Variants in LRP1B observed in about 807,000 individuals in gnomAD.
LRP1B encodes the protein LDL receptor related protein 1B.
A neutral mutation model predicts 556.6 loss-of-function variants in LRP1B; 217 were observed. That is an observed-to-expected ratio of 0.39 (90% CI 0.35 to 0.44). The LOEUF is 0.44. Ranked by LOEUF, LRP1B falls within the 20% of genes least tolerant of loss-of-function variation. The probability of loss-of-function intolerance (pLI) is 1.00; values close to 1 mark genes in which losing one functional copy is unlikely to be tolerated. For synonymous variants in LRP1B, 2,047 were observed against 1,865.8 expected, an observed-to-expected ratio of 1.10 and a Z score of -2.50; for missense variants, 5,053 against 5,620.8, an observed-to-expected ratio of 0.90 and a Z score of 3.23.
At chr2:140,832,286 T>TG (rs1270421673) in intron 31 of LRP1B, among the ~76,000 whole-genome samples, 1 of 152,080 alleles carries the variant, frequency 6.6e-6, no homozygotes, top group Non-Finnish European at 1.5e-5. Flanking sequence ...TATATGTGGG[T>TG]GGTCCTGGAA....
intron 2 of LRP1B, among the ~76,000 whole-genome samples, chr2:141,557,402 T>C (rs1685999834): frequency 1.3e-5 from 2 of 151,880 alleles, no homozygotes; most frequent in South Asian, 4.1e-4. Flanking sequence ...TGGGAAAACC[T>C]TGGGTGGTGA....
chr2:141,054,631 T>C (rs1199878327), intron 10 of LRP1B, among the ~76,000 whole-genome samples: 1 of 152,040 alleles, frequency 6.6e-6, no homozygotes, highest in African/African-American at 2.4e-5. Flanking sequence ...TAATTAGGTA[T>C]AGCTTCAGCT....
chr2:140,348,052 T>C (rs1681774535), intron 77 of LRP1B, among the ~76,000 whole-genome samples: 1 of 152,020 alleles, frequency 6.6e-6, no homozygotes. Flanking sequence ...AATAATTAGA[T>C]AGATATATGA....
At chr2:141,179,397 G>A (rs920216370) in intron 7 of LRP1B, among the ~76,000 whole-genome samples, 2 of 152,024 alleles carry the variant, frequency 1.3e-5, no homozygotes, top group Non-Finnish European at 2.9e-5. Flanking sequence ...GATTTAGGAA[G>A]TATAAAGATT....
At chr2:141,470,304 C>G (rs1682414031) in intron 3 of LRP1B, among the ~76,000 whole-genome samples, 1 of 152,128 alleles carries the variant, frequency 6.6e-6, no homozygotes, top group Non-Finnish European at 1.5e-5. Flanking sequence ...AATGAAAGCA[C>G]TAATTTTTCT....
At chr2:140,748,799 C>CATGTATATAATATATGATAT (rs1559094721) in intron 35 of LRP1B, among the ~76,000 whole-genome samples, 8 of 18,430 alleles carry the variant, frequency 4.3e-4, no homozygotes, top group African/African-American at 1.3e-3. Context: ...ATATTATATA[C>CATGTATATAATATATGATAT]ATATTATATA....
At chr2:141,345,032 G>C (rs146355356) in intron 3 of LRP1B, among the ~76,000 whole-genome samples, 1,802 of 152,192 alleles carry the variant, frequency 0.012, 23 homozygotes, top group South Asian at 0.021. Flanking sequence ...TAATCACAAG[G>C]GTCCTTACAA....
chr2:140,526,189 C>G (rs2104969203), intron 48 of LRP1B, 48 bp downstream of exon 48: 1 of 1,557,074 alleles, frequency 6.4e-7, no homozygotes, highest in African/African-American at 1.4e-5. Flanking sequence ...CAATGCAATG[C>G]CAAAAGTGCC....
At chr2:141,096,647 A>AGAGAGAGAGAGAGAGAGG in intron 7 of LRP1B, among the ~76,000 whole-genome samples, 1 of 104,370 alleles carries the variant, frequency 9.6e-6, no homozygotes, top group Non-Finnish European at 2.0e-5. Flanking sequence ...AGAGAGAGAG[A>AGAGAGAGAGAGAGAGAGG]GAGAGAGAGA....
intron 41 of LRP1B, among the ~76,000 whole-genome samples, chr2:140,668,089 G>C (rs1233385594): frequency 1.3e-5 from 2 of 151,928 alleles, no homozygotes; most frequent in African/African-American, 4.8e-5. Context: ...GAGGCGGGTG[G>C]ATCACGACGT....
intron 41 of LRP1B, among the ~76,000 whole-genome samples, chr2:140,669,521 G>A (rs1685405547): frequency 6.6e-6 from 1 of 152,008 alleles, no homozygotes; most frequent in Non-Finnish European, 1.5e-5. Context: ...AAGGTGCAAA[G>A]GAAACTAATC....
chr2:141,597,722 A>G (rs147115524), intron 2 of LRP1B, among the ~76,000 whole-genome samples: 10 of 152,156 alleles, frequency 6.6e-5, no homozygotes. Context: ...TAAATCTCAC[A>G]GCCTCTTATT....
chr2:140,627,720 T>C (rs1683716156), intron 41 of LRP1B, among the ~76,000 whole-genome samples: 1 of 152,118 alleles, frequency 6.6e-6, no homozygotes, highest in South Asian at 2.1e-4. Flanking sequence ...ATACACCAAT[T>C]TAATTATTTA....
At chr2:141,549,161 G>A (rs1169139635) in intron 2 of LRP1B, among the ~76,000 whole-genome samples, 2 of 152,156 alleles carry the variant, frequency 1.3e-5, no homozygotes, top group Non-Finnish European at 2.9e-5. Flanking sequence ...AGACAACAAA[G>A]TTTCAATCTT....
intron 3 of LRP1B, among the ~76,000 whole-genome samples, chr2:141,478,244 T>C (rs768134051): frequency 1.4e-4 from 21 of 152,240 alleles, no homozygotes; most frequent in Non-Finnish European, 1.8e-4. Flanking sequence ...AACTCAGATA[T>C]ATTTTCATAC....
chr2:141,649,966 G>A (rs918121357), intron 2 of LRP1B, among the ~76,000 whole-genome samples: 1 of 152,184 alleles, frequency 6.6e-6, no homozygotes, highest in African/African-American at 2.4e-5. Context: ...GATCATCTGA[G>A]GTCAGGAGTT....
chr2:141,481,285 G>A (rs1404074585), intron 2 of LRP1B, among the ~76,000 whole-genome samples: 3 of 152,054 alleles, frequency 2.0e-5, no homozygotes, highest in African/African-American at 7.2e-5. Flanking sequence ...CATCCAAATT[G>A]CATGTTATTT....
chr2:141,025,947 G>A (rs564775223), intron 11 of LRP1B, among the ~76,000 whole-genome samples: 19 of 152,114 alleles, frequency 1.2e-4, no homozygotes, highest in African/African-American at 3.6e-4. Context: ...CTAGAGATAC[G>A]CAAGGGGCAT....
At chr2:142,034,697 A>G (rs1703818036) in intron 1 of LRP1B, among the ~76,000 whole-genome samples, 1 of 151,818 alleles carries the variant, frequency 6.6e-6, no homozygotes, top group African/African-American at 2.4e-5. Context: ...TTCAAACAAA[A>G]TGTGATTGAA....
Sources: gnomAD v4.1 joint callset for allele counts (sites outside exome capture counted in the v4.1 genomes callset) on GRCh38, gnomAD v4.1.1 for gene constraint, MANE v1.5 for transcripts, NCBI Gene and HGNC (gene_info 2026-07-23, HGNC 2026-07-21) for gene names.